MTUS2: variants seen among roughly 807,000 people sequenced by gnomAD.
MTUS2 encodes the protein microtubule-associated tumor suppressor candidate 2.
MTUS2 carries 40 observed loss-of-function variants against 114.1 expected under a neutral mutation model. The ratio of observed to expected loss-of-function variants is 0.35; its 90% CI spans 0.27 to 0.46. The LOEUF is 0.46. Among genes scored for constraint, MTUS2 ranks in the 20% least tolerant of loss-of-function variants. The pLI, the probability that MTUS2 is intolerant of heterozygous loss-of-function variation, is 1.00. For synonymous variants in MTUS2, 688 were observed against 672.0 expected, an observed-to-expected ratio of 1.02 and a Z score of -0.37; for missense variants, 1,679 against 1,705.4, an observed-to-expected ratio of 0.98 and a Z score of 0.27.
chr13:29,124,171 G>A (rs1325338917), intron 5 of MTUS2, among the ~76,000 whole-genome samples: 2 of 152,174 alleles, frequency 1.3e-5, no homozygotes, highest in Non-Finnish European at 2.9e-5. Flanking sequence ...TTAGGACTAG[G>A]CATGTTGTTG....
chr13:29,186,055 T>TA (rs999151236), intron 5 of MTUS2, among the ~76,000 whole-genome samples: 22 of 151,832 alleles, frequency 1.4e-4, no homozygotes, highest in Admixed American at 1.2e-3. Flanking sequence ...TGCTAAAAGT[T>TA]AAAAAAAACT....
intron 2 of MTUS2, among the ~76,000 whole-genome samples, chr13:28,991,782 T>A (rs998238689): frequency 1.3e-5 from 2 of 152,158 alleles, no homozygotes; most frequent in African/African-American, 4.8e-5. Flanking sequence ...CTCCTTCCCC[T>A]TTGTTTAAAG....
At chr13:28,878,241 ATGTATATATG>A (rs1194220159) in intron 2 of MTUS2, among the ~76,000 whole-genome samples, 1 of 151,188 alleles carries the variant, frequency 6.6e-6, no homozygotes, top group African/African-American at 2.4e-5. Context: ...GTGTATATAT[ATGTATATATG>A]TGTGTGTGTG....
chr13:29,164,879 T>G (rs1240527427), intron 5 of MTUS2, among the ~76,000 whole-genome samples: 1 of 152,228 alleles, frequency 6.6e-6, no homozygotes. Context: ...ATTAGATAGT[T>G]TTTTCTGCCT....
intron 2 of MTUS2, among the ~76,000 whole-genome samples, chr13:28,850,252 G>A (rs1451344317): frequency 6.6e-6 from 1 of 152,238 alleles, no homozygotes; most frequent in Non-Finnish European, 1.5e-5. Flanking sequence ...AAATGTAAAT[G>A]TCATCCTGAC....
intron 8 of MTUS2, among the ~76,000 whole-genome samples, chr13:29,433,798 G>A (rs1434913106): frequency 1.3e-5 from 2 of 152,146 alleles, no homozygotes; most frequent in Admixed American, 6.6e-5. Flanking sequence ...AGAGCCCTAC[G>A]TAAAAAAGCA....
At chr13:29,145,379 G>T (rs1892389130) in intron 5 of MTUS2, among the ~76,000 whole-genome samples, 1 of 152,036 alleles carries the variant, frequency 6.6e-6, no homozygotes, top group African/African-American at 2.4e-5. Flanking sequence ...AATGAGCCGG[G>T]CATGTTGGTG....
chr13:29,027,302 G>A (rs1384534023), intron 3 of MTUS2, among the ~76,000 whole-genome samples: 3 of 152,188 alleles, frequency 2.0e-5, no homozygotes, highest in Non-Finnish European at 4.4e-5. Flanking sequence ...TCCTCAATGG[G>A]GAGTATTTTC....
At chr13:29,365,412 A>G (rs529049599) in intron 8 of MTUS2, among the ~76,000 whole-genome samples, 1 of 152,146 alleles carries the variant, frequency 6.6e-6, no homozygotes, top group Non-Finnish European at 1.5e-5. Context: ...ATAAGGTGCA[A>G]TAAGATGAGA....
At position 29,086,884 on chromosome 13, in the gene MTUS2, T is replaced by G. The variant is rs181791081; in HGVS notation, c.2447-13889T>G. On this transcript the variant is annotated intron_variant, in intron 4 of 15. Coordinates refer to ENST00000612955, the MANE Select transcript of MTUS2 (RefSeq NM_001033602.4). ...TATTTTATTCTTTTTGTGGCTATCA[T>G]GTTCTTGATTTGGTTCTTAGCTCAA... 3.3e-5 allele frequency among the ~76,000 whole-genome samples: 5 copies of G among 152,240 alleles called. No individual in the cohort carries two copies. In the East Asian group the frequency reaches 9.6e-4, roughly 29 times the overall value.
Position 29,441,314 on chromosome 13 carries a change from A to G in MTUS2, c.3184+1265A>G, listed in dbSNP as rs374421580. Among the ~76,000 whole-genome samples the G allele has an allele frequency of 1.8e-4, 28 of 152,222 alleles. No homozygotes were observed. In the East Asian group the frequency reaches 5.2e-3, roughly 28 times the overall value. On this transcript the variant is annotated intron_variant, in intron 9 of 15. Coordinates refer to ENST00000612955, the MANE Select transcript of MTUS2 (RefSeq NM_001033602.4). The stretch of plus-strand genomic sequence containing the variant: ...CTGAGGTCCATGGGAGCCATATGTG[A>G]CCTGGCTGGAAAGAGGAGCGGGAGG...
At chr13:29,061,856 T>C (rs989149169) in intron 4 of MTUS2, among the ~76,000 whole-genome samples, 1 of 152,266 alleles carries the variant, frequency 6.6e-6, no homozygotes, top group African/African-American at 2.4e-5. Context: ...GTGTGAACTT[T>C]CTCTTACATA....
intron 8 of MTUS2, among the ~76,000 whole-genome samples, chr13:29,382,855 T>C (rs1357875237): frequency 2.6e-5 from 4 of 151,968 alleles, no homozygotes; most frequent in African/African-American, 4.8e-5. Context: ...AAGATCACAG[T>C]GCTCTGGAAA....
Position 29,480,355 on chromosome 13 carries a change from C to T in MTUS2, c.3390C>T (p.His1130=), listed in dbSNP as rs1241709871. 1.4e-5 allele frequency: 22 copies of T among 1,534,012 alleles called. No homozygotes were observed. Among genetic ancestry groups the T allele is most frequent in the Non-Finnish European group, 1.8e-5 (21 of 1,137,934 alleles). The part of the protein sequence containing the change: ...GDQLLSIRCQ[H]QEQVEDLTAS... ...AGCTGCTGAGCATCCGGTGTCAACA[C>T]CAGGAGCAGGTCAGTCTGCAGTGCG... Residue 1130 remains histidine, a synonymous_variant, in exon 10 of 16, where the codon CAC becomes CAT. Transcript: ENST00000612955. The surrounding 1 kb of genome is among the most constrained non-coding windows in gnomAD (Gnocchi z 4.4).
At chr13:29,444,114 T>C (rs910187805) in intron 9 of MTUS2, among the ~76,000 whole-genome samples, 1 of 152,134 alleles carries the variant, frequency 6.6e-6, no homozygotes, top group Admixed American at 6.5e-5. Context: ...CTGAGGTGAA[T>C]AAATGCAATC....
At chr13:29,180,831 T>G (rs1893970628) in intron 5 of MTUS2, among the ~76,000 whole-genome samples, 1 of 152,168 alleles carries the variant, frequency 6.6e-6, no homozygotes, top group Admixed American at 6.5e-5. Context: ...TTTGGCCTCA[T>G]CAGCACACTC....
At chr13:29,104,766 A>T (rs1890583529) in intron 5 of MTUS2, among the ~76,000 whole-genome samples, 1 of 152,232 alleles carries the variant, frequency 6.6e-6, no homozygotes, top group Non-Finnish European at 1.5e-5. Context: ...GCTTTTCAAA[A>T]AAATATTTAC....
At chr13:29,286,668 G>GTCTATCTATCTATCTA (rs746176943) in intron 6 of MTUS2, among the ~76,000 whole-genome samples, 3,477 of 78,782 alleles carry the variant, frequency 0.044, 39 homozygotes, top group East Asian at 0.1. Context: ...CTGTCTGTCT[G>GTCTATCTATCTATCTA]TCTGTCTATC....
chr13:29,234,609 A>G (rs1004758136), intron 5 of MTUS2, among the ~76,000 whole-genome samples: 6 of 152,200 alleles, frequency 3.9e-5, no homozygotes, highest in Non-Finnish European at 8.8e-5. Flanking sequence ...ACAAACACTT[A>G]GAAAAAAACT....
Sources: gnomAD v4.1 joint callset for allele counts (sites outside exome capture counted in the v4.1 genomes callset) on GRCh38, gnomAD v4.1.1 for gene constraint, Gnocchi (gnomAD v3.1) non-coding constraint, MANE v1.5 for transcripts, NCBI Gene and HGNC (gene_info 2026-07-23, HGNC 2026-07-21) for gene names.